NCOR2: variants seen among roughly 807,000 people sequenced by gnomAD.
The protein encoded by NCOR2 is CTG repeat protein 26.
Under a neutral mutation model 262.9 loss-of-function variants are expected in NCOR2, and 81 were observed. The ratio of observed to expected loss-of-function variants is 0.31; its 90% confidence interval spans 0.26 to 0.37. The LOEUF (loss-of-function observed/expected upper bound fraction) is 0.37, where lower values mean the gene tolerates loss of function less well. NCOR2 is among the 10% of genes least tolerant of loss of function. The pLI is 1.00. For synonymous variants in NCOR2, 1,659 were observed against 1,559.3 expected (o/e 1.06, Z -1.51); for missense variants, 3,385 against 3,621.4 (o/e 0.93, Z 1.68).
At chr12:124,406,921 C>T (rs1469577184) in intron 13 of NCOR2, among the ~76,000 whole-genome samples, 1 of 152,224 alleles carries the variant, frequency 6.6e-6, no homozygotes. Context: ...TTTGATGAGG[C>T]CTTCTTCTCC....
intron 1 of NCOR2, chr12:124,514,286 G>A (rs1256083655): frequency 6.6e-6 from 1 of 152,194 alleles, no homozygotes; most frequent in Non-Finnish European, 1.5e-5. Flanking sequence ...CACCAAATCT[G>A]CCAGCATCTT....
intron 1 of NCOR2, among the ~76,000 whole-genome samples, chr12:124,522,272 T>C (rs1294970301): frequency 6.6e-6 from 1 of 152,224 alleles, no homozygotes; most frequent in Non-Finnish European, 1.5e-5. Flanking sequence ...TAAAATAAAG[T>C]TCACAACTGT....
chr12:124,403,545 C>A (rs989742292), intron 13 of NCOR2, among the ~76,000 whole-genome samples: 4 of 152,220 alleles, frequency 2.6e-5, no homozygotes, highest in African/African-American at 9.6e-5. Context: ...GTCCTCCCTG[C>A]AGGCAGCTGC....
At chr12:124,334,497 T>G in exon 41 of NCOR2, 1 of 1,445,358 alleles carries the variant, frequency 6.9e-7, no homozygotes, top group Non-Finnish European at 9.1e-7. Context: ...TAGAGGTCAC[T>G]GGGTGGGCGG....
chr12:124,553,645 G>A (rs2051786614), intron 1 of NCOR2, among the ~76,000 whole-genome samples: 1 of 152,226 alleles, frequency 6.6e-6, no homozygotes, highest in African/African-American at 2.4e-5. Context: ...CCTAACACTA[G>A]AGACTTCCCT....
chr12:124,446,910 A>T (rs1262612221), intron 7 of NCOR2, among the ~76,000 whole-genome samples: 1 of 151,928 alleles, frequency 6.6e-6, no homozygotes, highest in Non-Finnish European at 1.5e-5. Flanking sequence ...GTTTTATATT[A>T]TACTATATTA....
chr12:124,334,624 G>A lies in NCOR2; in HGVS notation c.6412-7C>T. 1 of 1,360,292 alleles carries A rather than the reference G, an allele frequency of 7.4e-7. No homozygotes were observed. Among genetic ancestry groups the A allele is most frequent in the Non-Finnish European group, 9.4e-7 (1 of 1,060,508 alleles). 84.3% of individuals were successfully genotyped at this position (1,360,292 alleles called of 1,614,324 possible). ...AGTCCTGTGTGATGACCTCCTGCAG[G>A]CAAGTGGGGGGGCCCAGAGTCAGGC... On this transcript the variant is annotated splice_polypyrimidine_tract_variant and splice_region_variant and intron_variant, in intron 40 of 46. Transcript: ENST00000405201.
chr12:124,419,794 C>A (rs111872985), intron 13 of NCOR2, among the ~76,000 whole-genome samples, 163 bp downstream of exon 15: 3 of 152,246 alleles, frequency 2.0e-5, no homozygotes, highest in African/African-American at 7.2e-5. Flanking sequence ...CCCACATCTG[C>A]TGCTACCACG....
At chr12:124,342,875 C>A (rs2036576524) in intron 33 of NCOR2, 130 bp downstream of exon 35, 13 of 948,732 alleles carry the variant, frequency 1.4e-5, no homozygotes, top group Non-Finnish European at 2.0e-5. Flanking sequence ...TCTTCCAATC[C>A]CGAGGCCTCA....
intron 6 of NCOR2, among the ~76,000 whole-genome samples, chr12:124,451,075 A>G (rs901585918): frequency 6.6e-6 from 1 of 152,242 alleles, no homozygotes; most frequent in African/African-American, 2.4e-5. Context: ...GAATTGCTGC[A>G]CACTTAGCAA....
chr12:124,335,186 G>C (rs772790082), exon 40 of NCOR2: 26 of 1,611,650 alleles, frequency 1.6e-5, no homozygotes, highest in Non-Finnish European at 2.2e-5. Flanking sequence ...TGACCCCTGG[G>C]GCGGTCTGGA....
chr12:124,354,078 C>T lies in NCOR2; in HGVS notation c.3693+15G>A, dbSNP rs371829809. ...GGTCCCAACCGTCCTTCCTGCCGCA[C>T]CCCAGGACACCTACGTGGGTGATGG... On this transcript the variant is annotated intron_variant, in intron 27 of 46. Coordinates refer to ENST00000405201, the Ensembl canonical transcript of NCOR2. 8 of 1,603,868 alleles carry T rather than the reference C, an allele frequency of 5.0e-6. No homozygotes were observed. In the African/African-American group the frequency reaches 6.7e-5, roughly 13 times the overall value.
At chr12:124,433,878 AC>A (rs2044156298) in intron 8 of NCOR2, among the ~76,000 whole-genome samples, 1 of 122,168 alleles carries the variant, frequency 8.2e-6, no homozygotes, top group Non-Finnish European at 1.6e-5. Context: ...ACACACACAC[AC>A]ACACACACAC....
chr12:124,376,801 G>A (rs1430523301), intron 18 of NCOR2, among the ~76,000 whole-genome samples: 1 of 152,224 alleles, frequency 6.6e-6, no homozygotes. Context: ...AGGCAGAGAG[G>A]GAGGGACAAC....
intron 3 of NCOR2, among the ~76,000 whole-genome samples, chr12:124,477,342 G>T (rs1050324534): frequency 2.6e-5 from 4 of 152,214 alleles, no homozygotes; most frequent in Non-Finnish European, 4.4e-5. Flanking sequence ...GGACGTGTTT[G>T]CTTCCCCTTC....
Position 124,337,199 on chromosome 12 carries a change from C to T in NCOR2, c.5688-19G>A, listed in dbSNP as rs931763838. ...GGTGGACCTGGGGGAGGAGAGAAGG[C>T]GGTCAGGCAGTCATGGGAGCTGCCC... On this transcript the variant is annotated intron_variant, in intron 37 of 46. Coordinates refer to ENST00000405201, the Ensembl canonical transcript of NCOR2. 1.2e-5 allele frequency: 19 copies of T among 1,545,926 alleles called. No homozygotes were observed. Among genetic ancestry groups the T allele is most frequent in the African/African-American group, 2.7e-5 (2 of 73,072 alleles).
At chr12:124,486,699 C>T in intron 1 of NCOR2, 131 bp from the exon 4 acceptor site, 2 of 1,196,286 alleles carry the variant, frequency 1.7e-6, no homozygotes, top group Non-Finnish European at 2.3e-6. Flanking sequence ...AAGCCCAAGT[C>T]CTGCAGGGAA....
intron 31 of NCOR2, among the ~76,000 whole-genome samples, chr12:124,346,327 C>T (rs991916687): frequency 2.0e-5 from 3 of 152,194 alleles, no homozygotes; most frequent in Non-Finnish European, 2.9e-5. Context: ...GACTCAGTTT[C>T]CCTCCCTGAA....
chr12:124,345,178 G>A (rs1452742078), intron 31 of NCOR2, among the ~76,000 whole-genome samples: 1 of 152,174 alleles, frequency 6.6e-6, no homozygotes, highest in South Asian at 2.1e-4. Context: ...TCCCTGGGGG[G>A]ACTGCAGAAA....
Sources: allele counts gnomAD v4.1 joint callset (sites outside exome capture counted in the v4.1 genomes callset), GRCh38; gene constraint gnomAD v4.1.1; transcripts MANE v1.5; gene names NCBI Gene and HGNC (gene_info 2026-07-23, HGNC 2026-07-21).